PPP2R5A: variants seen among roughly 807,000 people sequenced by gnomAD.
The protein encoded by PPP2R5A is serine/threonine-protein phosphatase 2A 56 kDa regulatory subunit alpha isoform.
A neutral mutation model predicts 64.2 loss-of-function variants in PPP2R5A; 25 were observed. The ratio of observed to expected loss-of-function variants is 0.39; its 90% confidence interval spans 0.28 to 0.54. The LOEUF is 0.54. PPP2R5A is among the 20% of genes least tolerant of loss of function. PPP2R5A has a pLI of 0.67. For missense variants in PPP2R5A, 425 were observed against 576.3 expected (o/e 0.74, Z 2.69); for synonymous variants, 198 against 201.2 (o/e 0.98, Z 0.13).
chr1:212,314,881 A>G (rs1009484635), intron 1 of PPP2R5A, among the ~76,000 whole-genome samples: 4 of 151,282 alleles, frequency 2.6e-5, no homozygotes, highest in African/African-American at 9.7e-5. Context: ...TAAATTTTAA[A>G]TTTTTCGTAG....
chr1:212,341,230 G>T (rs1239925624), intron 3 of PPP2R5A, among the ~76,000 whole-genome samples: 1 of 152,102 alleles, frequency 6.6e-6, no homozygotes, highest in African/African-American at 2.4e-5. Flanking sequence ...AGGTTGCTTG[G>T]CACTTTTATA....
chr1:212,335,389 C>T (rs931290054), intron 3 of PPP2R5A, among the ~76,000 whole-genome samples: 2 of 151,376 alleles, frequency 1.3e-5, no homozygotes, highest in Non-Finnish European at 2.9e-5. Context: ...GCAGGAGAAT[C>T]GCTGGAACCC....
At chr1:212,314,589 C>A (rs1293158278) in intron 1 of PPP2R5A, among the ~76,000 whole-genome samples, 3 of 147,748 alleles carry the variant, frequency 2.0e-5, no homozygotes, top group Non-Finnish European at 4.5e-5. Context: ...TGGTGTCTCG[C>A]TGTGATGCCC....
intron 3 of PPP2R5A, 63 bp from the exon 4 acceptor site, chr1:212,342,125 G>A: frequency 1.3e-6 from 2 of 1,551,676 alleles, no homozygotes; most frequent in Admixed American, 3.9e-5. Context: ...TTAATATGAA[G>A]TGATTATTTA....
At chr1:212,315,345 G>A (rs572702188) in intron 1 of PPP2R5A, among the ~76,000 whole-genome samples, 189 of 152,252 alleles carry the variant, frequency 1.2e-3, no homozygotes, top group Non-Finnish European at 2.2e-3. Flanking sequence ...TGGACTTACT[G>A]TCTATTGAGA....
chr1:212,295,241 T>G (rs1658670663), intron 1 of PPP2R5A, among the ~76,000 whole-genome samples: 1 of 152,016 alleles, frequency 6.6e-6, no homozygotes. Flanking sequence ...CTTGTCCAAG[T>G]GGGGATGGGG....
intron 1 of PPP2R5A, among the ~76,000 whole-genome samples, chr1:212,291,943 A>G (rs1262423222): frequency 2.0e-5 from 3 of 152,234 alleles, no homozygotes; most frequent in Non-Finnish European, 2.9e-5. Flanking sequence ...AATGATTTCA[A>G]CCACTTTGGG....
chr1:212,347,353 A>G lies in PPP2R5A; in HGVS notation c.711A>G (p.Ile237Met). 6.3e-7 allele frequency: 1 copy of G among 1,576,948 alleles called. No individual in the cohort carries two copies. Among genetic ancestry groups the G allele is most frequent in the Non-Finnish European group, 8.7e-7 (1 of 1,150,160 alleles). ...KQINNIFLRF[I>M]YETEHFNGVA... ...GTCTTTATTTTAAATTCAGGTTTAT[A>G]TATGAAACAGAACATTTCAATGGTG... Residue 237 changes from isoleucine (I) to methionine (M), a missense_variant, in exon 6 of 13, where the codon ATA (isoleucine) becomes ATG (methionine). Physicochemically the swap from Ile to Met is conservative, Grantham distance 10. Coordinates refer to ENST00000261461, the MANE Select transcript of PPP2R5A (RefSeq NM_006243.4).
chr1:212,339,845 A>T (rs1484368004), intron 3 of PPP2R5A, among the ~76,000 whole-genome samples: 1 of 152,052 alleles, frequency 6.6e-6, no homozygotes, highest in Non-Finnish European at 1.5e-5. Context: ...AAATAGGCTA[A>T]TGCATGCCAC....
chr1:212,300,162 C>A (rs956199559), intron 1 of PPP2R5A, among the ~76,000 whole-genome samples: 3 of 152,112 alleles, frequency 2.0e-5, no homozygotes, highest in African/African-American at 7.2e-5. Flanking sequence ...AATAACTCAG[C>A]CTTCACCTAG....
intron 1 of PPP2R5A, among the ~76,000 whole-genome samples, chr1:212,327,708 C>T (rs1193778827): frequency 4.6e-5 from 7 of 152,122 alleles, no homozygotes; most frequent in African/African-American, 9.7e-5. Context: ...GCCACCACAC[C>T]GGCCCATTTT....
At chr1:212,358,303 ACTT>A (rs1040088478) in intron 11 of PPP2R5A, 1 of 159,056 alleles carries the variant, frequency 6.3e-6, no homozygotes, top group African/African-American at 2.4e-5. Flanking sequence ...ATATATTCTA[ACTT>A]CTTTAACATC....
chr1:212,334,459 A>G (rs1227211334), intron 3 of PPP2R5A, among the ~76,000 whole-genome samples: 2 of 151,888 alleles, frequency 1.3e-5, no homozygotes, highest in Admixed American at 6.6e-5. Flanking sequence ...TACACCTGCT[A>G]ATTTTTGTAT....
At chr1:212,306,073 T>C (rs189376016) in intron 1 of PPP2R5A, among the ~76,000 whole-genome samples, 3 of 152,338 alleles carry the variant, frequency 2.0e-5, no homozygotes, top group African/African-American at 7.2e-5. Context: ...CCTTTATTCC[T>C]GATGCAAGTC....
intron 8 of PPP2R5A, among the ~76,000 whole-genome samples, chr1:212,353,157 A>AC (rs938807150): frequency 9.2e-5 from 14 of 152,174 alleles, no homozygotes; most frequent in Admixed American, 2.0e-4. Context: ...CAGTTTGTCA[A>AC]GTTATGTTGG....
In PPP2R5A at chr1:212,306,515, A is replaced by G. The variant is rs77937884; in HGVS notation, c.181+20224A>G. Among the ~76,000 whole-genome samples the G allele has an allele frequency of 8.4e-3, 1,279 of 152,320 alleles. 11 individuals are homozygous for G. The highest frequency in any genetic ancestry group is 0.014 in the Middle Eastern group (4 of 294). On this transcript the variant is annotated intron_variant, in intron 1 of 12. Coordinates refer to ENST00000261461, the MANE Select transcript of PPP2R5A (RefSeq NM_006243.4). ...AAGATATGAGACAAAAGTTTTCTGT[A>G]TATGTCAAACATTTACCTATTTTTT...
chr1:212,333,834 G>T, intron 3 of PPP2R5A: 5 of 336,898 alleles, frequency 1.5e-5, no homozygotes, highest in Non-Finnish European at 5.3e-6. Context: ...GTGGCACAAA[G>T]TACATTCGCC....
intron 1 of PPP2R5A, among the ~76,000 whole-genome samples, chr1:212,321,185 C>T (rs563721781): frequency 1.2e-4 from 17 of 145,538 alleles, no homozygotes; most frequent in African/African-American, 3.9e-4. Context: ...GCTGGCCAGG[C>T]GGGGGGCTGA....
intron 2 of PPP2R5A, among the ~76,000 whole-genome samples, chr1:212,330,861 AT>A (rs955195787): frequency 1.8e-4 from 27 of 146,682 alleles, no homozygotes; most frequent in Non-Finnish European, 1.5e-4. Context: ...TCAAAAAAAA[AT>A]TTTTTTTTTT....
Sources: allele counts gnomAD v4.1 joint callset (sites outside exome capture counted in the v4.1 genomes callset), GRCh38; gene constraint gnomAD v4.1.1; transcripts MANE v1.5; gene names NCBI Gene and HGNC (gene_info 2026-07-23, HGNC 2026-07-21).